The following REDIC1 variants were observed in gnomAD, a reference collection of about 807,000 sequenced individuals.
REDIC1 encodes regulator of DNA class I crossover intermediates 1.
At chr12:39,692,642 A>C in the REDIC1 span, among the ~76,000 whole-genome samples, 2 of 151,966 alleles carry the variant, frequency 1.3e-5, no homozygotes, top group Non-Finnish European at 2.9e-5. Context: ...TACTGTATGA[A>C]TATATCACAA....
chr12:39,788,723 G>A, the REDIC1 span: 1 of 152,056 alleles, frequency 6.6e-6, no homozygotes, highest in Non-Finnish European at 1.5e-5. Context: ...AAGCTTGCAT[G>A]TTCAGGTCTG....
chr12:39,761,735 C>T, the REDIC1 span, among the ~76,000 whole-genome samples: 1 of 151,678 alleles, frequency 6.6e-6, no homozygotes, highest in South Asian at 2.1e-4. Flanking sequence ...GGGACAAAGA[C>T]GGGATAGTAA....
chr12:39,714,270 T>TATATATGTATATACGTATATGCCTGC, the REDIC1 span, among the ~76,000 whole-genome samples: 2 of 118,054 alleles, frequency 1.7e-5, 1 homozygote, highest in Non-Finnish European at 3.9e-5. Context: ...TGCATATATG[T>TATATATGTATATACGTATATGCCTGC]ATATATGTAT....
the REDIC1 span, among the ~76,000 whole-genome samples, chr12:39,874,831 T>C: frequency 5.3e-5 from 8 of 152,158 alleles, no homozygotes; most frequent in Non-Finnish European, 1.2e-4. Context: ...GTGGGTGAAC[T>C]GGAGGCTGAC....
At chr12:39,643,393 A>G in the REDIC1 span, among the ~76,000 whole-genome samples, 1 of 151,406 alleles carries the variant, frequency 6.6e-6, no homozygotes, top group East Asian at 1.9e-4. Context: ...AGCTGTGCAT[A>G]TTTTTAAGGT....
At chr12:39,666,218 T>A in the REDIC1 span, among the ~76,000 whole-genome samples, 1 of 152,212 alleles carries the variant, frequency 6.6e-6, no homozygotes, top group Non-Finnish European at 1.5e-5. Context: ...TAAATAGCTC[T>A]TATTATTTTG....
chr12:39,686,940 C>T, the REDIC1 span, among the ~76,000 whole-genome samples: 1 of 152,164 alleles, frequency 6.6e-6, no homozygotes, highest in Non-Finnish European at 1.5e-5. Flanking sequence ...TTCCACAGAT[C>T]CCTAGGGCAG....
At chr12:39,899,599 C>A in the REDIC1 span, among the ~76,000 whole-genome samples, 1 of 152,168 alleles carries the variant, frequency 6.6e-6, no homozygotes, top group South Asian at 2.1e-4. Context: ...ATCTTTCCTG[C>A]TTTCTCTTGT....
chr12:39,855,480 C>T, the REDIC1 span, among the ~76,000 whole-genome samples: 2 of 152,294 alleles, frequency 1.3e-5, no homozygotes, highest in African/African-American at 4.8e-5. Flanking sequence ...AGGTCATGCT[C>T]TGATACATCT....
the REDIC1 span, among the ~76,000 whole-genome samples, chr12:39,797,650 A>C: frequency 6.6e-6 from 1 of 151,990 alleles, no homozygotes; most frequent in South Asian, 2.1e-4. Context: ...AGATAATGTC[A>C]TCATATTCCA....
the REDIC1 span, chr12:39,871,720 G>C: frequency 1.4e-6 from 2 of 1,391,244 alleles, no homozygotes; most frequent in Non-Finnish European, 1.9e-6. Flanking sequence ...AGTGGTGTAA[G>C]TATTGTATTT....
At chr12:39,726,111 T>A in the REDIC1 span, among the ~76,000 whole-genome samples, 1,655 of 152,186 alleles carry the variant, frequency 0.011, 30 homozygotes, top group African/African-American at 0.037. Flanking sequence ...ATTTTCTTCT[T>A]TTTTTGCTGC....
chr12:39,731,326 G>A, the REDIC1 span, among the ~76,000 whole-genome samples: 6 of 151,876 alleles, frequency 4.0e-5, no homozygotes, highest in South Asian at 2.1e-4. Flanking sequence ...GGTGACCTTC[G>A]GATGGGGTTT....
At chr12:39,761,151 C>A in the REDIC1 span, among the ~76,000 whole-genome samples, 741 of 152,034 alleles carry the variant, frequency 4.9e-3, 6 homozygotes, top group African/African-American at 0.017. Context: ...GAAAGGATAT[C>A]AGACTGGGAG....
At chr12:39,864,176 A>T in the REDIC1 span, among the ~76,000 whole-genome samples, 1 of 152,198 alleles carries the variant, frequency 6.6e-6, no homozygotes, top group East Asian at 1.9e-4. Context: ...TTTATCACAT[A>T]GTGTGTACAC....
the REDIC1 span, among the ~76,000 whole-genome samples, chr12:39,635,715 G>C: frequency 6.6e-6 from 1 of 151,994 alleles, no homozygotes; most frequent in Non-Finnish European, 1.5e-5. Flanking sequence ...ATGGGTGCAG[G>C]AAACCAACAT....
At chr12:39,641,512 A>G in the REDIC1 span, among the ~76,000 whole-genome samples, 1 of 151,766 alleles carries the variant, frequency 6.6e-6, no homozygotes, top group Non-Finnish European at 1.5e-5. Context: ...AAGACAGGCA[A>G]GGGGAAGGAA....
At chr12:39,805,419 G>C in the REDIC1 span, among the ~76,000 whole-genome samples, 1 of 152,054 alleles carries the variant, frequency 6.6e-6, no homozygotes, top group Non-Finnish European at 1.5e-5. Context: ...AAGGAAGTGG[G>C]AATCTGGGTA....
chr12:39,647,345 A>G, the REDIC1 span, among the ~76,000 whole-genome samples: 1 of 152,244 alleles, frequency 6.6e-6, no homozygotes, highest in Admixed American at 6.6e-5. Flanking sequence ...TAGAAAATGC[A>G]TAGATTATAA....
Sources: gnomAD v4.1 joint callset for allele counts (sites outside exome capture counted in the v4.1 genomes callset) on GRCh38, gnomAD v4.1.1 for gene constraint, MANE v1.5 for transcripts, NCBI Gene and HGNC (gene_info 2026-07-23, HGNC 2026-07-21) for gene names.